The following PEDS1 variants were observed in gnomAD, a reference collection of about 807,000 sequenced individuals.
PEDS1 encodes the protein CarF homolog.
Under a neutral mutation model 35.2 loss-of-function variants are expected in PEDS1, and 14 were observed. The ratio of observed to expected loss-of-function variants is 0.40; its 90% CI spans 0.26 to 0.62. The LOEUF is 0.62. Among genes scored for constraint, PEDS1 ranks in the 20% least tolerant of loss-of-function variants. The pLI, the probability that PEDS1 is intolerant of heterozygous loss-of-function variation, is 0.44. For missense variants in PEDS1, 260 were observed against 367.8 expected (o/e 0.71, Z 2.40); for synonymous variants, 152 against 152.0 (o/e 1.00, Z 0.00).
At chr20:50,130,116 G>A (rs1006163950) in intron 3 of PEDS1, among the ~76,000 whole-genome samples, 4 of 152,180 alleles carry the variant, frequency 2.6e-5, no homozygotes, top group African/African-American at 7.2e-5. Context: ...CTCGCCCCGG[G>A]CTGAGAAAGA....
chr20:50,125,274 T>A (rs2081087833), intron 5 of PEDS1, 95 bp from the exon 6 acceptor site: 1 of 1,505,588 alleles, frequency 6.6e-7, no homozygotes, highest in Non-Finnish European at 9.0e-7. Flanking sequence ...AGGGGCCCAA[T>A]GAGGAGTGAG....
chr20:50,138,754 C>T (rs2081261628), intron 2 of PEDS1, among the ~76,000 whole-genome samples: 1 of 152,226 alleles, frequency 6.6e-6, no homozygotes, highest in African/African-American at 2.4e-5. Context: ...GCCTCTTTGT[C>T]CCAGCTTTGG....
intron 3 of PEDS1, among the ~76,000 whole-genome samples, chr20:50,130,186 G>C (rs986817123): frequency 2.8e-4 from 43 of 152,326 alleles, no homozygotes; most frequent in African/African-American, 8.9e-4. Flanking sequence ...GACTGCCTGA[G>C]GGCCCAGCAC....
rs1383844670 is a variant in PEDS1, at chr20:50,153,648, C to T, written c.-11G>A. 6.4e-6 allele frequency: 8 copies of T among 1,241,290 alleles called. No homozygotes were observed. The highest frequency in any genetic ancestry group is 7.1e-6 in the Non-Finnish European group (7 of 991,274). 76.9% of individuals were successfully genotyped at this position (1,241,290 alleles called of 1,614,324 possible). ...CTCGGCGCCCGCCATGGCCACTCGC[C>T]CGATCGGCCCGGTGCGCTCTGCTGG... On this transcript the variant is annotated 5_prime_UTR_variant, in exon 1 of 6. Coordinates refer to ENST00000371652, the MANE Select transcript of PEDS1 (RefSeq NM_199129.4).
At chr20:50,147,347 T>A (rs1031615252) in intron 1 of PEDS1, among the ~76,000 whole-genome samples, 1 of 152,172 alleles carries the variant, frequency 6.6e-6, no homozygotes, top group Admixed American at 6.5e-5. Context: ...CCCCATCCAA[T>A]GGGATATGAG....
In PEDS1 at chr20:50,119,108, A is replaced by G. The variant is rs932256454; in HGVS notation, c.*5950T>C. 4 of 152,196 alleles carry G rather than the reference A, an allele frequency of 2.6e-5. No homozygotes were observed. Among genetic ancestry groups the G allele is most frequent in the Non-Finnish European group, 5.9e-5 (4 of 68,044 alleles). The allele number at this position is 152,196 out of a possible 1,614,324, so 9.4% of individuals were successfully genotyped here. A position where few individuals can be genotyped will look rare whatever the true frequency, so the allele number is the denominator to read the frequency against. ...TGAAAACTTGTGAACTTAAACCGGC[A>G]TGGCCTCTGGAAGACAATTTGGTAT... is the stretch of plus-strand genomic sequence containing the variant. On this transcript the variant is annotated 3_prime_UTR_variant, in exon 6 of 6. Coordinates refer to ENST00000371652, the MANE Select transcript of PEDS1 (RefSeq NM_199129.4).
In PEDS1 at chr20:50,130,988, C is replaced by A. The variant is rs747693194; in HGVS notation, c.242-41G>T. On this transcript the variant is annotated intron_variant, in intron 2 of 5. Coordinates refer to ENST00000371652, the MANE Select transcript of PEDS1 (RefSeq NM_199129.4). ...TGAGTGAAGGGACATCCCTGCACCCCCCCAATCAGAATCACTCATTCATTT... is the reference window on the plus strand; with the variant it reads ...TGAGTGAAGGGACATCCCTGCACCCACCCAATCAGAATCACTCATTCATTT... The A allele has an allele frequency of 1.4e-5, 22 of 1,613,996 alleles. No homozygotes were observed. The African/African-American group carries it at 2.8e-4, about 21-fold the overall frequency.
Position 50,144,212 on chromosome 20 carries a change from G to C in PEDS1, c.122-591C>G, listed in dbSNP as rs6095788. On this transcript the variant is annotated intron_variant, in intron 1 of 5. Transcript: ENST00000371652. Reference sequence around the variant, plus strand: ...ACCAATTCTTTGACAGACAGGACCAGAACTCTGGTCTCCTGGGCCCCTCTG... The same window carrying C: ...ACCAATTCTTTGACAGACAGGACCACAACTCTGGTCTCCTGGGCCCCTCTG... Among the ~76,000 whole-genome samples the C allele has an allele frequency of 5.9e-3, 897 of 152,332 alleles. 10 individuals carry two copies. The highest frequency in any genetic ancestry group is 0.02 in the African/African-American group (847 of 41,572).
At chr20:50,139,408 C>A (rs2081269428) in intron 2 of PEDS1, among the ~76,000 whole-genome samples, 1 of 152,122 alleles carries the variant, frequency 6.6e-6, no homozygotes, top group African/African-American at 2.4e-5. Context: ...CCTTTACTGG[C>A]CACCTTGCTG....
chr20:50,125,012 T>C lies in PEDS1; in HGVS notation c.*46A>G, dbSNP rs767979413. On this transcript the variant is annotated 3_prime_UTR_variant, in exon 6 of 6. Coordinates refer to ENST00000371652, the MANE Select transcript of PEDS1 (RefSeq NM_199129.4). ...CTGGAATTTGGCAGATGGCTTCGGT[T>C]TGGGGGCTAGGGAAGGTTGGCAACC... The C allele has an allele frequency of 5.6e-6, 9 of 1,604,292 alleles. No individual in the cohort carries two copies. Among genetic ancestry groups the C allele is most frequent in the Non-Finnish European group, 7.7e-6 (9 of 1,172,812 alleles).
At chr20:50,151,161 G>A (rs2081398795) in intron 1 of PEDS1, 1 of 1,020,612 alleles carries the variant, frequency 9.8e-7, no homozygotes, top group Non-Finnish European at 1.4e-6. Context: ...AAGCAGAGAG[G>A]CCAGTGGAAA....
rs570469456 is a variant in PEDS1 at position 50,152,806 on chromosome 20, T to A, written c.121+711A>T. ...TTACAGTGGGGTACATTCAGTCCCC[T>A]CACTGCCTGGGATCCAGGAATATGG... On this transcript the variant is annotated intron_variant, in intron 1 of 5. Transcript: ENST00000371652. Among the ~76,000 whole-genome samples the A allele has an allele frequency of 9.9e-5, 15 of 152,012 alleles. No homozygotes were observed. In the East Asian group the frequency reaches 2.7e-3, roughly 28 times the overall value.
intron 1 of PEDS1, among the ~76,000 whole-genome samples, chr20:50,151,796 T>A (rs1181060980): frequency 6.6e-6 from 1 of 152,014 alleles, no homozygotes; most frequent in Non-Finnish European, 1.5e-5. Context: ...GAGGAGGAGC[T>A]TGCAGTGAGC....
At chr20:50,138,217 T>C (rs532202930) in intron 2 of PEDS1, among the ~76,000 whole-genome samples, 251 of 152,314 alleles carry the variant, frequency 1.6e-3, no homozygotes, top group African/African-American at 5.8e-3. Context: ...TCTCACTTCA[T>C]GTCCACAGTA....
At chr20:50,127,472 G>C (rs1411760400) in intron 5 of PEDS1, among the ~76,000 whole-genome samples, 1 of 151,202 alleles carries the variant, frequency 6.6e-6, no homozygotes, top group East Asian at 1.9e-4. Context: ...CTCCCGAGTA[G>C]CTGGGATTAC....
At chr20:50,141,534 T>A (rs1349321466) in intron 2 of PEDS1, among the ~76,000 whole-genome samples, 1 of 152,222 alleles carries the variant, frequency 6.6e-6, no homozygotes, top group East Asian at 1.9e-4. Context: ...GCAGCCTCAT[T>A]TACACTGTGG....
rs1197219490 is a variant in PEDS1 at position 50,153,561 on chromosome 20, G to A, written c.77C>T (p.Ala26Val). Residue 26 changes from alanine (A) to valine (V), a missense_variant, in exon 1 of 6, where the codon GCG (alanine) becomes GTG (valine). Coordinates refer to ENST00000371652, the MANE Select transcript of PEDS1 (RefSeq NM_199129.4). ...CAGCTCGCGGGCCCCGGCGTGCTGCGCGCCCCAGCGGCAACAAGACGCCTC... is the reference window on the plus strand; with the variant it reads ...CAGCTCGCGGGCCCCGGCGTGCTGCACGCCCCAGCGGCAACAAGACGCCTC... The part of the protein sequence containing the change: ...EDEASCCRWG[A>V]QHAGARELAA... 8 of 1,434,608 alleles carry A rather than the reference G, an allele frequency of 5.6e-6. No individual in the cohort carries two copies. Among genetic ancestry groups the A allele is most frequent in the Non-Finnish European group, 7.4e-6 (8 of 1,087,734 alleles). 88.9% of individuals were successfully genotyped at this position (1,434,608 alleles called of 1,614,324 possible).
intron 2 of PEDS1, among the ~76,000 whole-genome samples, chr20:50,134,388 A>C (rs1303743424): frequency 6.6e-6 from 1 of 152,180 alleles, no homozygotes; most frequent in Admixed American, 6.5e-5. Flanking sequence ...TCTACAAAAA[A>C]CACAAAAAAT....
intron 1 of PEDS1, chr20:50,151,312 G>A: frequency 1.5e-6 from 2 of 1,304,020 alleles, no homozygotes; most frequent in South Asian, 1.2e-5. Flanking sequence ...GAGAGTGAAG[G>A]GCACTTGGGG....
Sources: allele counts gnomAD v4.1 joint callset (sites outside exome capture counted in the v4.1 genomes callset), GRCh38; gene constraint gnomAD v4.1.1; transcripts MANE v1.5; gene names NCBI Gene and HGNC (gene_info 2026-07-23, HGNC 2026-07-21).